The following GRM5 variants were observed in gnomAD, a reference collection of about 807,000 sequenced individuals.
GRM5 encodes metabotropic glutamate receptor 5.
GRM5 carries 19 observed loss-of-function variants against 83.1 expected under a neutral mutation model. The ratio of observed to expected loss-of-function variants is 0.23; its 90% CI spans 0.16 to 0.34. The LOEUF (loss-of-function observed/expected upper bound fraction) is 0.34. Ranked by LOEUF, GRM5 falls within the 10% of genes least tolerant of loss-of-function variation. The pLI is 1.00. For synonymous variants in GRM5, 675 were observed against 633.6 expected (o/e 1.07, Z -0.98); for missense variants, 1,160 against 1,588.3 (o/e 0.73, Z 4.58).
At chr11:88,934,250 T>A (rs1218717300) in intron 2 of GRM5, among the ~76,000 whole-genome samples, 3 of 151,788 alleles carry the variant, frequency 2.0e-5, no homozygotes, top group African/African-American at 7.2e-5. Flanking sequence ...GATAATAGAG[T>A]TCACAATGAG....
At chr11:88,824,825 A>G (rs995593832) in intron 3 of GRM5, among the ~76,000 whole-genome samples, 4 of 151,804 alleles carry the variant, frequency 2.6e-5, no homozygotes, top group African/African-American at 7.3e-5. Context: ...ACATATGGAT[A>G]TGTGTGTGTG....
chr11:88,903,708 T>G (rs1261337920), intron 2 of GRM5, among the ~76,000 whole-genome samples: 1 of 152,154 alleles, frequency 6.6e-6, no homozygotes, highest in Non-Finnish European at 1.5e-5. Flanking sequence ...TTTGCATGAA[T>G]GTAGAATGTG....
intron 2 of GRM5, among the ~76,000 whole-genome samples, chr11:88,890,011 G>C (rs1382233561): frequency 6.6e-6 from 1 of 152,136 alleles, no homozygotes; most frequent in East Asian, 1.9e-4. Context: ...TTAGGAGAGA[G>C]CTTTGATGTG....
intron 4 of GRM5, among the ~76,000 whole-genome samples, chr11:88,628,968 G>T (rs1044440882): frequency 3.9e-5 from 6 of 152,170 alleles, no homozygotes; most frequent in Admixed American, 6.5e-5. Flanking sequence ...AGGCCTCTAA[G>T]TAGCACACAT....
At position 88,534,394 on chromosome 11, in the gene GRM5, T is replaced by G. The variant is rs1484312587; in HGVS notation, c.2631-8990A>C. Among the ~76,000 whole-genome samples the G allele has an allele frequency of 2.6e-5, 4 of 152,220 alleles. No homozygotes were observed. In the East Asian group the frequency reaches 7.7e-4, roughly 29 times the overall value. On this transcript the variant is annotated intron_variant, in intron 8 of 9. Transcript: ENST00000305447. ...GACCATGGGAGGTCACCTCTTGCAG[T>G]AGCGTGACCTGGATGTGAGACATGA...
rs1941166676 is a variant in GRM5 at position 88,505,661 on chromosome 11, G to A, written c.*2931C>T. 1 of 152,184 alleles carries A rather than the reference G, an allele frequency of 6.6e-6. No individual in the cohort carries two copies. The highest frequency in any genetic ancestry group is 1.5e-5 in the Non-Finnish European group (1 of 68,030). The allele number at this position is 152,184 out of a possible 1,614,324, so 9.4% of individuals were successfully genotyped here. A position where few individuals can be genotyped will look rare whatever the true frequency, so the allele number is the denominator to read the frequency against. ...CACTCCTTTCCCAAAATGGAAGGAT[G>A]AGTGGACTGCTTAGATTAGTCAGTA... On this transcript the variant is annotated 3_prime_UTR_variant, in exon 10 of 10. Coordinates refer to ENST00000305447, the MANE Select transcript of GRM5 (RefSeq NM_001143831.3).
intron 2 of GRM5, among the ~76,000 whole-genome samples, chr11:88,884,153 C>T (rs1190788407): frequency 1.3e-5 from 2 of 150,094 alleles, no homozygotes; most frequent in Admixed American, 1.3e-4. Flanking sequence ...TCAATGCCAG[C>T]TCATGACAAG....
At chr11:88,622,606 G>A (rs909175455) in intron 4 of GRM5, among the ~76,000 whole-genome samples, 2 of 152,148 alleles carry the variant, frequency 1.3e-5, no homozygotes, top group African/African-American at 4.8e-5. Context: ...CGAGGAAGGG[G>A]TGGGGGCGGC....
At chr11:88,698,878 T>C (rs1940962974) in intron 3 of GRM5, among the ~76,000 whole-genome samples, 1 of 152,158 alleles carries the variant, frequency 6.6e-6, no homozygotes, top group Non-Finnish European at 1.5e-5. Flanking sequence ...AAAGTAGAAA[T>C]TATGAATGTA....
intron 3 of GRM5, among the ~76,000 whole-genome samples, chr11:88,760,613 C>A (rs921403892): frequency 1.3e-5 from 2 of 152,032 alleles, no homozygotes; most frequent in African/African-American, 2.4e-5. Flanking sequence ...GGATTCACAG[C>A]CAAATTCTAC....
chr11:88,854,135 T>A (rs990561524), intron 2 of GRM5, among the ~76,000 whole-genome samples: 2 of 148,944 alleles, frequency 1.3e-5, no homozygotes, highest in Non-Finnish European at 3.0e-5. Flanking sequence ...AAAAGAAAAA[T>A]TTCTGCCATT....
At chr11:88,652,761 C>T (rs1268172595) in intron 4 of GRM5, among the ~76,000 whole-genome samples, 2 of 152,008 alleles carry the variant, frequency 1.3e-5, no homozygotes, top group African/African-American at 4.8e-5. Context: ...CTCATGTATT[C>T]ATTCTTTGTA....
chr11:88,733,981 C>T (rs1232454658), intron 3 of GRM5, among the ~76,000 whole-genome samples: 1 of 151,884 alleles, frequency 6.6e-6, no homozygotes. Flanking sequence ...TTTCTAAGAC[C>T]ATGAACAGTA....
At chr11:88,662,804 G>T (rs941352338) in intron 3 of GRM5, among the ~76,000 whole-genome samples, 6 of 152,110 alleles carry the variant, frequency 3.9e-5, no homozygotes, top group African/African-American at 1.4e-4. Flanking sequence ...CAAACAACCA[G>T]CACCAGAATG....
intron 2 of GRM5, among the ~76,000 whole-genome samples, chr11:88,932,491 T>C (rs1229549033): frequency 6.6e-6 from 1 of 151,960 alleles, no homozygotes; most frequent in African/African-American, 2.4e-5. Context: ...GCCTAGTTCC[T>C]CATATATAGT....
At chr11:88,702,721 G>C (rs752276606) in intron 3 of GRM5, among the ~76,000 whole-genome samples, 2 of 152,036 alleles carry the variant, frequency 1.3e-5, no homozygotes, top group Non-Finnish European at 2.9e-5. Flanking sequence ...TATATAAAGA[G>C]GTGATTAAGT....
chr11:88,960,385 C>A (rs1042615968), intron 2 of GRM5, among the ~76,000 whole-genome samples: 2 of 151,990 alleles, frequency 1.3e-5, no homozygotes, highest in African/African-American at 2.4e-5. Flanking sequence ...ATGAAGTAGG[C>A]ACATAAAGGA....
At chr11:88,625,144 A>G (rs12789919) in intron 4 of GRM5, among the ~76,000 whole-genome samples, 27,816 of 152,086 alleles carry the variant, frequency 0.18, 2,717 homozygotes, top group African/African-American at 0.24. Context: ...ATCTTACAAT[A>G]GTAAGATTTG....
chr11:88,674,914 C>T (rs1047891220), intron 3 of GRM5, among the ~76,000 whole-genome samples: 3 of 151,880 alleles, frequency 2.0e-5, no homozygotes, highest in Non-Finnish European at 4.4e-5. Context: ...TGAGGAGGCA[C>T]GTAAGATCCT....
Sources: allele counts gnomAD v4.1 joint callset (sites outside exome capture counted in the v4.1 genomes callset), GRCh38; gene constraint gnomAD v4.1.1; transcripts MANE v1.5; gene names NCBI Gene and HGNC (gene_info 2026-07-23, HGNC 2026-07-21).